Variants in MLPH observed in about 807,000 individuals in gnomAD.
The protein encoded by MLPH is exophilin-3.
MLPH carries 51 observed loss-of-function variants against 72.1 expected under a neutral mutation model. The observed-to-expected ratio is 0.71, with a 90% CI of 0.56 to 0.89. The LOEUF (loss-of-function observed/expected upper bound fraction) is 0.89, where lower values mean the gene tolerates loss of function less well. MLPH is among the 40% of genes least tolerant of loss of function. MLPH has a pLI of 0.00. For missense variants in MLPH, 743 were observed against 759.9 expected, an observed-to-expected ratio of 0.98 and a Z score of 0.26; for synonymous variants, 301 against 310.1, an observed-to-expected ratio of 0.97 and a Z score of 0.31.
At chr2:237,513,551 A>AT (rs1394444451) in intron 4 of MLPH, among the ~76,000 whole-genome samples, 4 of 152,006 alleles carry the variant, frequency 2.6e-5, no homozygotes, top group Non-Finnish European at 5.9e-5. Flanking sequence ...ATCTTTTGGA[A>AT]TTTTTTTGGT....
At chr2:237,525,020 C>G (rs79778875) in intron 6 of MLPH, among the ~76,000 whole-genome samples, 13 of 152,208 alleles carry the variant, frequency 8.5e-5, no homozygotes, top group African/African-American at 3.1e-4. Context: ...CTCCACCCCC[C>G]ACTCACAGTC....
In MLPH at chr2:237,546,608, A is replaced by G; in HGVS notation, c.1542A>G (p.Ile514Met). Residue 514 changes from isoleucine (I) to methionine (M), a missense_variant and splice_region_variant, in exon 13 of 16, where the codon ATA becomes ATG. Transcript: ENST00000264605. ...GKPRRKSNLP[I>M]FLPRVAGKLG... is the part of the protein sequence containing the mutation. ...TAAGTCTCTTCTTTGCCCTCCAGAT[A>G]TTTCTCCCTCGAGTGGCTGGGAAAC... The G allele has an allele frequency of 6.2e-7, 1 of 1,613,994 alleles. No homozygotes were observed. Among genetic ancestry groups the G allele is most frequent in the Non-Finnish European group, 8.5e-7 (1 of 1,179,944 alleles).
At chr2:237,488,709 G>A (rs567222787) in intron 1 of MLPH, among the ~76,000 whole-genome samples, 26 of 152,302 alleles carry the variant, frequency 1.7e-4, no homozygotes, top group African/African-American at 4.8e-4. Flanking sequence ...TACTGAGTAC[G>A]ACATGAGTGA....
At chr2:237,495,453 G>A (rs907690537) in intron 2 of MLPH, among the ~76,000 whole-genome samples, 7 of 152,330 alleles carry the variant, frequency 4.6e-5, no homozygotes, top group African/African-American at 1.7e-4. Context: ...TTTGGATGGG[G>A]ACCAGCCCCG....
intron 9 of MLPH, among the ~76,000 whole-genome samples, chr2:237,539,006 C>A (rs1377994896): frequency 6.6e-6 from 1 of 152,224 alleles, no homozygotes; most frequent in Non-Finnish European, 1.5e-5. Context: ...AAGGAGGGAG[C>A]CGCTGCAGGA....
At chr2:237,489,739 C>T (rs759084442) in intron 1 of MLPH, among the ~76,000 whole-genome samples, 9 of 152,214 alleles carry the variant, frequency 5.9e-5, no homozygotes, top group Non-Finnish European at 1.3e-4. Context: ...TGTTCCAAGG[C>T]TCCCCAAGCA....
intron 2 of MLPH, among the ~76,000 whole-genome samples, chr2:237,509,399 C>T (rs1190307950): frequency 1.3e-5 from 2 of 152,086 alleles, no homozygotes; most frequent in Non-Finnish European, 2.9e-5. Flanking sequence ...AGAGGTTCTC[C>T]CTGGGACAGA....
intron 9 of MLPH, among the ~76,000 whole-genome samples, chr2:237,537,117 G>C (rs1446941932): frequency 3.9e-5 from 6 of 152,242 alleles, no homozygotes; most frequent in Non-Finnish European, 7.3e-5. Flanking sequence ...CCTGTCAGGG[G>C]CTCTCAGGGC....
In MLPH at chr2:237,518,572, G is replaced by A. The variant is rs139288665; in HGVS notation, c.479G>A (p.Gly160Glu). ...GPELISEERS[G>E]DSDQTDEDGE... ...GAACTGATATCTGAAGAGAGAAGTG[G>A]AGACAGCGACCAGACAGATGAGGAT... The change falls in exon 5 of 16, where the codon GGA (glycine) becomes GAA (glutamate). Residue 160 changes from glycine (G) to glutamate (E), a missense_variant. Coordinates refer to ENST00000264605, the MANE Select transcript of MLPH (RefSeq NM_024101.7). 1,418 of 1,613,764 alleles carry A rather than the reference G, an allele frequency of 8.8e-4. 3 individuals are homozygous for A. The highest frequency in any genetic ancestry group is 1.0e-3 in the Non-Finnish European group (1,214 of 1,179,916).
At chr2:237,513,362 C>G (rs924840486) in intron 4 of MLPH, among the ~76,000 whole-genome samples, 2 of 152,134 alleles carry the variant, frequency 1.3e-5, no homozygotes, top group African/African-American at 4.8e-5. Flanking sequence ...CCCAGTCCCC[C>G]TACCCCCGTG....
rs2080922934 is a variant in MLPH, at chr2:237,546,592, T to C, written c.1540-14T>C. 1 of 1,613,448 alleles carries C rather than the reference T, an allele frequency of 6.2e-7. No homozygotes were observed. On this transcript the variant is annotated splice_polypyrimidine_tract_variant and intron_variant, in intron 12 of 15. Transcript: ENST00000264605. ...AGGTTCAACAATAACATAAGTCTCT[T>C]CTTTGCCCTCCAGATATTTCTCCCT...
intron 12 of MLPH, chr2:237,545,549 T>C: frequency 7.8e-7 from 1 of 1,288,546 alleles, no homozygotes; most frequent in Non-Finnish European, 1.0e-6. Context: ...GCCTGAATCA[T>C]GTTGCCTCAT....
chr2:237,545,836 C>T, intron 12 of MLPH: 1 of 256,966 alleles, frequency 3.9e-6, no homozygotes, highest in South Asian at 5.4e-5. Context: ...ATAAGTATAC[C>T]CCATGCAACA....
At chr2:237,545,276 T>G (rs1431762335) in intron 12 of MLPH, among the ~76,000 whole-genome samples, 3 of 150,312 alleles carry the variant, frequency 2.0e-5, no homozygotes, top group Non-Finnish European at 3.0e-5. Flanking sequence ...CCCAGTTGAG[T>G]TGGTGCCCCC....
intron 1 of MLPH, among the ~76,000 whole-genome samples, chr2:237,489,472 A>C (rs1333861163): frequency 1.3e-5 from 2 of 152,162 alleles, no homozygotes; most frequent in Admixed American, 6.5e-5. Context: ...GCCACTGATG[A>C]GAGCTGGGGG....
chr2:237,496,374 C>T (rs13385503), intron 2 of MLPH, among the ~76,000 whole-genome samples: 19,406 of 152,160 alleles, frequency 0.13, 3,735 homozygotes, highest in African/African-American at 0.42. Flanking sequence ...TTATCTGAAG[C>T]GGGTTTAGCA....
At chr2:237,549,596 C>T (rs563904758) in intron 14 of MLPH, among the ~76,000 whole-genome samples, 12 of 152,244 alleles carry the variant, frequency 7.9e-5, no homozygotes, top group African/African-American at 2.9e-4. Context: ...GAAAGTACGG[C>T]TCATCATTTA....
intron 6 of MLPH, 147 bp from the exon 7 acceptor site, chr2:237,525,454 T>G (rs143443817): frequency 9.6e-6 from 7 of 728,044 alleles, no homozygotes; most frequent in Non-Finnish European, 1.7e-5. Context: ...CAGAACTGAG[T>G]GGCAGGGGCC....
intron 6 of MLPH, among the ~76,000 whole-genome samples, chr2:237,524,961 C>T (rs1231286670): frequency 3.3e-5 from 5 of 152,230 alleles, no homozygotes; most frequent in Non-Finnish European, 5.9e-5. Context: ...TTCTGGGCCA[C>T]AGGTCCTGCT....
Sources: allele counts gnomAD v4.1 joint callset (sites outside exome capture counted in the v4.1 genomes callset), GRCh38; gene constraint gnomAD v4.1.1; transcripts MANE v1.5; gene names NCBI Gene and HGNC (gene_info 2026-07-23, HGNC 2026-07-21).